CHN1: variants seen among roughly 807,000 people sequenced by gnomAD.
CHN1 encodes chimerin 1.
In CHN1, 37 loss-of-function variants were observed where a neutral mutation model predicts 59.5. The observed-to-expected ratio is 0.62, with a 90% CI of 0.48 to 0.82. CHN1 has a LOEUF of 0.82. Ranked by LOEUF, CHN1 falls within the 40% of genes least tolerant of loss-of-function variation. The probability of loss-of-function intolerance (pLI) is 0.00; values close to 1 mark genes in which losing one functional copy is unlikely to be tolerated. For missense variants in CHN1, 469 were observed against 571.0 expected (o/e 0.82, Z 1.82); for synonymous variants, 206 against 200.4 (o/e 1.03, Z -0.24).
At chr2:174,899,674 T>C (rs1688327598) in intron 5 of CHN1, among the ~76,000 whole-genome samples, 1 of 152,258 alleles carries the variant, frequency 6.6e-6, no homozygotes, top group African/African-American at 2.4e-5. Context: ...TGCTTAGCCA[T>C]GTCTTTTTGA....
intron 6 of CHN1, among the ~76,000 whole-genome samples, chr2:174,867,055 A>C (rs1173913937): frequency 1.4e-5 from 2 of 140,614 alleles, no homozygotes; most frequent in Non-Finnish European, 3.1e-5. Flanking sequence ...ACTTTTTTTT[A>C]CTTAATTTTT....
At chr2:174,913,870 A>G (rs909264027) in intron 5 of CHN1, among the ~76,000 whole-genome samples, 2 of 152,252 alleles carry the variant, frequency 1.3e-5, no homozygotes, top group Admixed American at 6.5e-5. Context: ...GACTACCAAA[A>G]GAAATTTCAT....
chr2:174,830,520 TTCAGTTAAGCACCACGATAATG>T (rs1330488156), intron 7 of CHN1, among the ~76,000 whole-genome samples: 4 of 152,292 alleles, frequency 2.6e-5, no homozygotes, highest in Non-Finnish European at 5.9e-5. Flanking sequence ...GAGGTTTTGG[TTCAGTTAAGCACCACGATAATG>T]TCAGTTAAGC....
intron 5 of CHN1, among the ~76,000 whole-genome samples, chr2:174,900,478 A>G (rs1468339206): frequency 6.6e-6 from 1 of 152,098 alleles, no homozygotes; most frequent in African/African-American, 2.4e-5. Flanking sequence ...GCTAGACAAC[A>G]GAGCAAGACC....
At position 174,955,811 on chromosome 2, in the gene CHN1, G is replaced by A. The variant is rs147125253; in HGVS notation, c.20-3609C>T. 3.8e-3 allele frequency among the ~76,000 whole-genome samples: 573 copies of A among 152,134 alleles called. 5 individuals are homozygous for A. The highest frequency in any genetic ancestry group is 0.013 in the African/African-American group (546 of 41,516). ...ACACAGGAACAGAAAACCAAATACC[G>A]TTATCTTCTCACTTATAAGTGGAGC... On this transcript the variant is annotated intron_variant, in intron 1 of 12. Transcript: ENST00000409900.
intron 10 of CHN1, 70 bp downstream of exon 10, chr2:174,811,441 C>A: frequency 9.8e-7 from 1 of 1,022,782 alleles, no homozygotes; most frequent in Non-Finnish European, 1.5e-6. Flanking sequence ...AAAAATACCT[C>A]ACAAGAAATT....
chr2:174,914,955 C>A, intron 5 of CHN1, 103 bp downstream of exon 5: 4 of 574,340 alleles, frequency 7.0e-6, no homozygotes, highest in South Asian at 3.9e-5. Flanking sequence ...CCCAAGAAAA[C>A]AAGAACCAAT....
At chr2:174,890,470 A>T (rs912457394) in intron 5 of CHN1, among the ~76,000 whole-genome samples, 1 of 152,188 alleles carries the variant, frequency 6.6e-6, no homozygotes, top group Admixed American at 6.5e-5. Flanking sequence ...AGGCAGAAGC[A>T]TCATTTAAGC....
chr2:174,894,969 T>G (rs944094248), intron 5 of CHN1, among the ~76,000 whole-genome samples: 1 of 151,984 alleles, frequency 6.6e-6, no homozygotes, highest in Admixed American at 6.6e-5. Flanking sequence ...ATATCCATTT[T>G]GTATAAGCTA....
At chr2:174,897,444 T>C (rs1688251085) in intron 5 of CHN1, among the ~76,000 whole-genome samples, 2 of 151,950 alleles carry the variant, frequency 1.3e-5, no homozygotes, top group African/African-American at 2.4e-5. Flanking sequence ...TGTGTGTGTG[T>C]ATATACGTAT....
At chr2:174,954,246 G>C (rs1690116757) in intron 1 of CHN1, among the ~76,000 whole-genome samples, 3 of 152,110 alleles carry the variant, frequency 2.0e-5, no homozygotes, top group Admixed American at 2.0e-4. Flanking sequence ...GCCACATGTA[G>C]AAGAACAAAA....
intron 1 of CHN1, among the ~76,000 whole-genome samples, chr2:174,988,168 C>A (rs1023844806): frequency 5.3e-5 from 8 of 151,988 alleles, no homozygotes; most frequent in Non-Finnish European, 4.4e-5. Context: ...ACCATCCTGG[C>A]TAACACGGTG....
At chr2:174,846,062 T>C (rs745609353) in intron 7 of CHN1, among the ~76,000 whole-genome samples, 8 of 152,174 alleles carry the variant, frequency 5.3e-5, no homozygotes, top group Non-Finnish European at 1.0e-4. Context: ...TGTCTAACTA[T>C]TGGGAAGTTA....
intron 7 of CHN1, among the ~76,000 whole-genome samples, chr2:174,843,787 C>T (rs62183345): frequency 1.4e-4 from 21 of 151,758 alleles, no homozygotes; most frequent in Admixed American, 7.9e-4. Flanking sequence ...TCAATTTTTC[C>T]GATGTAGAGA....
chr2:174,911,340 T>C (rs1398773873), intron 5 of CHN1, among the ~76,000 whole-genome samples: 1 of 152,190 alleles, frequency 6.6e-6, no homozygotes, highest in Non-Finnish European at 1.5e-5. Context: ...CGAATACAAA[T>C]GTTGTCAAAA....
chr2:174,845,577 G>C (rs1313152142), intron 7 of CHN1, among the ~76,000 whole-genome samples: 1 of 152,074 alleles, frequency 6.6e-6, no homozygotes, highest in Non-Finnish European at 1.5e-5. Context: ...TTTAAATCAA[G>C]ATATTGGTTG....
At chr2:174,957,703 C>A (rs370751470) in intron 1 of CHN1, among the ~76,000 whole-genome samples, 1 of 151,974 alleles carries the variant, frequency 6.6e-6, no homozygotes. Flanking sequence ...GAGGTGGTGA[C>A]CAGGTACCTC....
In CHN1 at chr2:174,801,743, C is replaced by A. The variant is rs1481288184; in HGVS notation, c.1172G>T (p.Cys391Phe). 6.2e-7 allele frequency: 1 copy of A among 1,613,492 alleles called. No homozygotes were observed. The highest frequency in any genetic ancestry group is 8.5e-7 in the Non-Finnish European group (1 of 1,179,532). Residue 391 changes from cysteine to phenylalanine, a missense_variant, in exon 12 of 13, where the codon TGC (cysteine) becomes TTC (phenylalanine). By Grantham distance (205) the Cys-to-Phe change is radical (BLOSUM62 -2). This residue lies in a region of CHN1 where 225 missense variants were observed against 289.9 expected (regional missense o/e 0.78). Coordinates refer to ENST00000409900, the MANE Select transcript of CHN1 (RefSeq NM_001822.7). ...EALKLLPPAH[C>F]ETLRYLMAHL... ...TGCCATGAGGTACCGGAGGGTTTCGCAGTGAGCAGGTGGCAGTAGTTTCAG... is the reference window on the plus strand; with the variant it reads ...TGCCATGAGGTACCGGAGGGTTTCGAAGTGAGCAGGTGGCAGTAGTTTCAG...
intron 2 of CHN1, among the ~76,000 whole-genome samples, chr2:174,949,506 A>G (rs1558994102): frequency 6.6e-6 from 1 of 151,956 alleles, no homozygotes; most frequent in Non-Finnish European, 1.5e-5. Flanking sequence ...ACAGGAGTAC[A>G]ACACCATGCC....
Sources: gnomAD v4.1 joint callset for allele counts (sites outside exome capture counted in the v4.1 genomes callset) on GRCh38, gnomAD v4.1.1 for gene constraint, gnomAD v4.1.1 regional missense constraint, MANE v1.5 for transcripts, NCBI Gene and HGNC (gene_info 2026-07-23, HGNC 2026-07-21) for gene names.